Variants in MDGA2 observed in about 807,000 individuals in gnomAD.
MDGA2 encodes the protein MAM domain-containing glycosylphosphatidylinositol anchor protein 2.
MDGA2 carries 40 observed loss-of-function variants against 117.8 expected under a neutral mutation model. The ratio of observed to expected loss-of-function variants is 0.34; its 90% CI spans 0.26 to 0.44. The LOEUF (loss-of-function observed/expected upper bound fraction) is 0.44, where lower values mean the gene tolerates loss of function less well. MDGA2 is among the 20% of genes least tolerant of loss of function. The pLI is 1.00. For missense variants in MDGA2, 1,123 were observed against 1,250.6 expected, an observed-to-expected ratio of 0.90 and a Z score of 1.54; for synonymous variants, 452 against 439.0, an observed-to-expected ratio of 1.03 and a Z score of -0.37.
intron 6 of MDGA2, among the ~76,000 whole-genome samples, chr14:47,074,731 T>A (rs1021093597): frequency 1.3e-5 from 2 of 152,198 alleles, no homozygotes; most frequent in Non-Finnish European, 2.9e-5. Context: ...TATACTTCCA[T>A]TTCCTTTGTC....
chr14:47,286,073 T>C (rs1888660963), intron 2 of MDGA2, among the ~76,000 whole-genome samples: 1 of 151,990 alleles, frequency 6.6e-6, no homozygotes, highest in Non-Finnish European at 1.5e-5. Flanking sequence ...GATATATATA[T>C]AACTTTTAAT....
rs577579675 is a variant in MDGA2 at position 46,871,960 on chromosome 14, C to T, written c.2752+1473G>A. The T allele has an allele frequency of 1.8e-3, 507 of 280,692 alleles. 2 individuals are homozygous for T. Among genetic ancestry groups the T allele is most frequent in the Non-Finnish European group, 3.3e-3 (448 of 135,522 alleles). 17.4% of individuals were successfully genotyped at this position (280,692 alleles called of 1,614,324 possible). ...ACCAGCCTGGGCAACATAGCAAGAGCCTGTCTCATAAAAAATAAAAATAAA... is the reference window on the plus strand; with the variant it reads ...ACCAGCCTGGGCAACATAGCAAGAGTCTGTCTCATAAAAAATAAAAATAAA... On this transcript the variant is annotated intron_variant, in intron 14 of 16. Coordinates refer to ENST00000399232, the MANE Select transcript of MDGA2 (RefSeq NM_001113498.3).
At chr14:47,630,708 G>A (rs1039296304) in intron 1 of MDGA2, among the ~76,000 whole-genome samples, 20 of 152,124 alleles carry the variant, frequency 1.3e-4, no homozygotes, top group African/African-American at 4.8e-4. Context: ...GACATCTAGA[G>A]TATCTATTCT....
At chr14:46,932,548 C>A (rs1595053246) in intron 9 of MDGA2, among the ~76,000 whole-genome samples, 1 of 152,064 alleles carries the variant, frequency 6.6e-6, no homozygotes, top group African/African-American at 2.4e-5. Context: ...TTCCTAAAAT[C>A]ATCTTCCTGT....
At chr14:47,019,053 T>A (rs1431721243) in intron 8 of MDGA2, among the ~76,000 whole-genome samples, 1 of 152,180 alleles carries the variant, frequency 6.6e-6, no homozygotes, top group African/African-American at 2.4e-5. Flanking sequence ...AGCAGAGAAA[T>A]TTATTGACTG....
intron 1 of MDGA2, among the ~76,000 whole-genome samples, chr14:47,387,085 C>G (rs1257377095): frequency 1.3e-5 from 2 of 152,166 alleles, no homozygotes; most frequent in Non-Finnish European, 2.9e-5. Flanking sequence ...TCAAGGTTAT[C>G]TTCAGAGGGT....
intron 1 of MDGA2, among the ~76,000 whole-genome samples, chr14:47,503,196 A>T (rs767888578): frequency 4.7e-4 from 71 of 152,192 alleles, no homozygotes; most frequent in Admixed American, 1.4e-3. Flanking sequence ...TGAAATATAA[A>T]TCTGTTTTAA....
At position 47,061,377 on chromosome 14, in the gene MDGA2, G is replaced by A. The variant is rs1001049845; in HGVS notation, c.1397C>T (p.Pro466Leu). 1.1e-5 allele frequency: 18 copies of A among 1,613,406 alleles called. No individual in the cohort carries two copies. Among genetic ancestry groups the A allele is most frequent in the African/African-American group, 1.3e-5 (1 of 74,860 alleles). The change falls in exon 7 of 17, where the codon CCG becomes CTG. Residue 466 changes from proline to leucine, a missense_variant. Physicochemically the swap from Pro to Leu is moderately conservative, Grantham distance 98 (BLOSUM62 -3). Transcript: ENST00000399232. ...VITQTDPDVSPGTTNLDIIDL... is the reference protein window; with the variant it reads ...VITQTDPDVSLGTTNLDIIDL... The stretch of plus-strand genomic sequence containing the variant: ...AATGATGTCCAAGTTTGTTGTTCCC[G>A]GAGAGACATCAGGATCAGTCTGTGT...
At chr14:47,465,153 A>G (rs929066163) in intron 1 of MDGA2, among the ~76,000 whole-genome samples, 1 of 152,086 alleles carries the variant, frequency 6.6e-6, no homozygotes, top group Non-Finnish European at 1.5e-5. Flanking sequence ...GCTGGACCCC[A>G]TCCTTATACC....
intron 1 of MDGA2, among the ~76,000 whole-genome samples, chr14:47,355,331 A>C (rs2138356959): frequency 6.6e-6 from 1 of 152,286 alleles, no homozygotes; most frequent in Admixed American, 6.5e-5. Context: ...TAACGCTGGA[A>C]GATCTTTGGG....
chr14:47,072,102 G>GA (rs139558164), intron 6 of MDGA2, among the ~76,000 whole-genome samples: 5 of 34,340 alleles, frequency 1.5e-4, no homozygotes, highest in African/African-American at 4.8e-4. Context: ...GTTGTTGTTT[G>GA]GGGGGGGGGG....
At chr14:47,466,310 C>T (rs1226776773) in intron 1 of MDGA2, among the ~76,000 whole-genome samples, 1 of 151,696 alleles carries the variant, frequency 6.6e-6, no homozygotes, top group Non-Finnish European at 1.5e-5. Context: ...AGGACCCCCA[C>T]ACGGAATATA....
At chr14:46,973,628 CA>C in intron 8 of MDGA2, among the ~76,000 whole-genome samples, 1 of 152,228 alleles carries the variant, frequency 6.6e-6, no homozygotes, top group East Asian at 1.9e-4. Flanking sequence ...ATGTAGGTAT[CA>C]GTGAAACGTA....
chr14:47,301,205 C>T (rs917851763), intron 2 of MDGA2, among the ~76,000 whole-genome samples: 1 of 151,680 alleles, frequency 6.6e-6, no homozygotes, highest in African/African-American at 2.4e-5. Context: ...AAAAGAATAG[C>T]TCAAGTTTGA....
chr14:46,877,477 A>G lies in MDGA2; in HGVS notation c.2437+12T>C. On this transcript the variant is annotated intron_variant, in intron 12 of 16. Coordinates refer to ENST00000399232, the MANE Select transcript of MDGA2 (RefSeq NM_001113498.3). ...AAATATAGTGCCATTTTGTAAGTTA[A>G]AATATACTTACTCAAATGAGGATTT... 1 of 1,437,866 alleles carries G rather than the reference A, an allele frequency of 7.0e-7. No individual in the cohort carries two copies. The highest frequency in any genetic ancestry group is 9.5e-7 in the Non-Finnish European group (1 of 1,049,186). 89.1% of individuals were successfully genotyped at this position (1,437,866 alleles called of 1,614,324 possible).
intron 2 of MDGA2, among the ~76,000 whole-genome samples, chr14:47,273,184 G>A (rs887969151): frequency 2.0e-5 from 3 of 152,042 alleles, no homozygotes; most frequent in African/African-American, 7.2e-5. Context: ...TGAGGTAAGG[G>A]ACTTTCTATT....
chr14:47,528,275 TA>T (rs1167683633), intron 1 of MDGA2, among the ~76,000 whole-genome samples: 1 of 152,006 alleles, frequency 6.6e-6, no homozygotes, highest in Non-Finnish European at 1.5e-5. Flanking sequence ...CAATCAAATT[TA>T]ATCAGTGCTT....
chr14:47,556,633 T>A (rs1259197685), intron 1 of MDGA2, among the ~76,000 whole-genome samples: 1 of 152,176 alleles, frequency 6.6e-6, no homozygotes, highest in Non-Finnish European at 1.5e-5. Context: ...AACCTTTGCA[T>A]CCCAGTCTGC....
intron 4 of MDGA2, among the ~76,000 whole-genome samples, chr14:47,142,503 G>T (rs1468444481): frequency 6.6e-6 from 1 of 151,980 alleles, no homozygotes; most frequent in Non-Finnish European, 1.5e-5. Flanking sequence ...ATAGAGAAAA[G>T]ATGTTTAGAA....
Sources: gnomAD v4.1 joint callset for allele counts (sites outside exome capture counted in the v4.1 genomes callset) on GRCh38, gnomAD v4.1.1 for gene constraint, MANE v1.5 for transcripts, NCBI Gene and HGNC (gene_info 2026-07-23, HGNC 2026-07-21) for gene names.